The following KCNIP4 variants were observed in gnomAD, a reference collection of about 807,000 sequenced individuals.
The protein encoded by KCNIP4 is Kv channel-interacting protein 4.
In KCNIP4, 12 loss-of-function variants were observed where a neutral mutation model predicts 34.0. The ratio of observed to expected loss-of-function variants is 0.35; its 90% CI spans 0.23 to 0.57. The LOEUF is 0.57. KCNIP4 is among the 20% of genes least tolerant of loss of function. The pLI is 0.83. For synonymous variants in KCNIP4, 124 were observed against 102.2 expected (o/e 1.21, Z -1.29); for missense variants, 238 against 311.7 (o/e 0.76, Z 1.78).
chr4:20,730,398 A>C (rs1426882), intron 8 of KCNIP4, among the ~76,000 whole-genome samples: 25,621 of 152,200 alleles, frequency 0.17, 2,242 homozygotes, highest in Middle Eastern at 0.23. Context: ...TTAATAGAGG[A>C]TATTTCTCAA....
At chr4:20,927,130 C>T (rs1037721897) in intron 1 of KCNIP4, among the ~76,000 whole-genome samples, 1 of 152,078 alleles carries the variant, frequency 6.6e-6, no homozygotes, top group Admixed American at 6.5e-5. Flanking sequence ...AGGTCCATGT[C>T]ACCACACCTG....
chr4:21,338,424 T>C (rs941854353), intron 1 of KCNIP4, among the ~76,000 whole-genome samples: 1 of 151,614 alleles, frequency 6.6e-6, no homozygotes, highest in Non-Finnish European at 1.5e-5. Context: ...ATTGCTATCC[T>C]AAAGAAAATC....
chr4:21,478,691 A>G (rs1202069017), intron 1 of KCNIP4, among the ~76,000 whole-genome samples: 2 of 152,186 alleles, frequency 1.3e-5, no homozygotes, highest in African/African-American at 4.8e-5. Flanking sequence ...AAAGTCCAAG[A>G]GAAAGCAAGA....
At chr4:21,865,029 G>A (rs1337582461) in intron 1 of KCNIP4, among the ~76,000 whole-genome samples, 1 of 152,028 alleles carries the variant, frequency 6.6e-6, no homozygotes, top group Non-Finnish European at 1.5e-5. Flanking sequence ...TCACCACTTA[G>A]TGATGGAACT....
chr4:21,714,498 C>G (rs1000826655), intron 1 of KCNIP4, among the ~76,000 whole-genome samples: 1 of 130,548 alleles, frequency 7.7e-6, no homozygotes, highest in Non-Finnish European at 1.5e-5. Context: ...GAGATAGAGA[C>G]AGGAGAGAAG....
intron 3 of KCNIP4, among the ~76,000 whole-genome samples, chr4:20,778,538 T>C (rs1756577481): frequency 6.6e-6 from 1 of 152,212 alleles, no homozygotes; most frequent in Non-Finnish European, 1.5e-5. Context: ...GTGAGTAACC[T>C]GATTTAATAT....
intron 1 of KCNIP4, among the ~76,000 whole-genome samples, chr4:21,205,465 A>G (rs2108964060): frequency 6.6e-6 from 1 of 152,258 alleles, no homozygotes; most frequent in Non-Finnish European, 1.5e-5. Context: ...TTTATCTTTC[A>G]CAACTGTGTA....
At chr4:21,519,526 G>GTA (rs1298122248) in intron 1 of KCNIP4, among the ~76,000 whole-genome samples, 12 of 98,122 alleles carry the variant, frequency 1.2e-4, no homozygotes, top group Admixed American at 3.7e-4. Context: ...ACATATGTGT[G>GTA]TATGTGTATG....
chr4:21,156,707 C>A (rs1231915745), intron 1 of KCNIP4, among the ~76,000 whole-genome samples: 2 of 151,958 alleles, frequency 1.3e-5, no homozygotes, highest in African/African-American at 4.8e-5. Context: ...AATTTCAGAG[C>A]CCATGTTCTT....
At chr4:21,569,151 C>T (rs1740151486) in intron 1 of KCNIP4, among the ~76,000 whole-genome samples, 2 of 139,354 alleles carry the variant, frequency 1.4e-5, no homozygotes, top group Admixed American at 1.5e-4. Context: ...TCAGGCTGCT[C>T]TAACAAACTA....
chr4:21,631,662 G>T (rs992982689), intron 1 of KCNIP4, among the ~76,000 whole-genome samples: 2 of 152,034 alleles, frequency 1.3e-5, no homozygotes, highest in African/African-American at 4.8e-5. Context: ...TCTGGGTCAG[G>T]CCTGCCTTTC....
chr4:21,334,717 C>G (rs1715998322), intron 1 of KCNIP4, among the ~76,000 whole-genome samples: 1 of 152,000 alleles, frequency 6.6e-6, no homozygotes, highest in African/African-American at 2.4e-5. Context: ...CATTCTGTCT[C>G]TGTAGATTTG....
intron 1 of KCNIP4, among the ~76,000 whole-genome samples, chr4:20,986,893 C>G (rs1313301584): frequency 1.3e-5 from 2 of 152,000 alleles, no homozygotes; most frequent in Non-Finnish European, 2.9e-5. Flanking sequence ...GAGGTCCAGC[C>G]CTTTCCTATC....
At chr4:21,272,308 G>T (rs189180951) in intron 1 of KCNIP4, among the ~76,000 whole-genome samples, 2,734 of 152,036 alleles carry the variant, frequency 0.018, 25 homozygotes, top group South Asian at 0.025. Flanking sequence ...TGCTATATTA[G>T]AGTTGGCTAT....
intron 1 of KCNIP4, among the ~76,000 whole-genome samples, chr4:21,795,572 A>G (rs1033293712): frequency 1.3e-5 from 2 of 152,206 alleles, no homozygotes; most frequent in Non-Finnish European, 2.9e-5. Context: ...TTCTAGATGA[A>G]CTTGAAATAC....
At chr4:21,128,237 G>A (rs1750778145) in intron 1 of KCNIP4, among the ~76,000 whole-genome samples, 1 of 152,328 alleles carries the variant, frequency 6.6e-6, no homozygotes, top group African/African-American at 2.4e-5. Context: ...AGGGAAGAAA[G>A]TCTGTTCTCA....
At chr4:21,839,893 G>C (rs945584496) in intron 1 of KCNIP4, among the ~76,000 whole-genome samples, 2 of 152,096 alleles carry the variant, frequency 1.3e-5, no homozygotes, top group African/African-American at 4.8e-5. Flanking sequence ...GGGTTATTAT[G>C]CAAGTAAGAT....
At chr4:20,739,931 G>C (rs574706708) in intron 5 of KCNIP4, among the ~76,000 whole-genome samples, 1 of 152,132 alleles carries the variant, frequency 6.6e-6, no homozygotes, top group African/African-American at 2.4e-5. Flanking sequence ...CATGGCACAA[G>C]AACTATCTGA....
At chr4:21,253,621 T>A (rs1560219115) in intron 1 of KCNIP4, among the ~76,000 whole-genome samples, 1 of 152,206 alleles carries the variant, frequency 6.6e-6, no homozygotes, top group Non-Finnish European at 1.5e-5. Context: ...CATTCAAATC[T>A]TTCTTCGATA....
Sources: allele counts gnomAD v4.1 joint callset (sites outside exome capture counted in the v4.1 genomes callset), GRCh38; gene constraint gnomAD v4.1.1; transcripts MANE v1.5; gene names NCBI Gene and HGNC (gene_info 2026-07-23, HGNC 2026-07-21).